MACROD2: variants seen among roughly 807,000 people sequenced by gnomAD.
MACROD2 encodes mono-ADP ribosylhydrolase 2.
MACROD2 carries 36 observed loss-of-function variants against 70.4 expected under a neutral mutation model. That is an observed-to-expected ratio of 0.51 (90% CI 0.39 to 0.68). MACROD2 has a LOEUF of 0.68. Ranked by LOEUF, MACROD2 falls within the 30% of genes least tolerant of loss-of-function variation. The pLI is 0.00. For synonymous variants in MACROD2, 172 were observed against 178.8 expected (o/e 0.96, Z 0.30); for missense variants, 496 against 538.4 (o/e 0.92, Z 0.78).
At chr20:16,023,651 G>A (rs2067036342) in intron 15 of MACROD2, among the ~76,000 whole-genome samples, 1 of 151,982 alleles carries the variant, frequency 6.6e-6, no homozygotes, top group Admixed American at 6.6e-5. Flanking sequence ...ATGATCATGA[G>A]CAGACTGTCA....
At chr20:15,849,047 C>T (rs175807) in intron 8 of MACROD2, among the ~76,000 whole-genome samples, 104,542 of 151,482 alleles carry the variant, frequency 0.69, 38,009 homozygotes, top group South Asian at 0.92. Context: ...ACAGCTCATG[C>T]GTGTTGGGGG....
intron 7 of MACROD2, among the ~76,000 whole-genome samples, chr20:15,439,780 G>C (rs1029902752): frequency 6.6e-6 from 1 of 152,036 alleles, no homozygotes; most frequent in Non-Finnish European, 1.5e-5. Flanking sequence ...GGTTCCACAG[G>C]GCACCAGACC....
chr20:14,597,164 A>ATTC (rs1292288251), intron 4 of MACROD2, among the ~76,000 whole-genome samples: 4 of 152,198 alleles, frequency 2.6e-5, no homozygotes, highest in Admixed American at 2.6e-4. Flanking sequence ...CAATTTTTAC[A>ATTC]TTCTTATTTC....
At chr20:14,588,982 C>T (rs1981577387) in intron 4 of MACROD2, among the ~76,000 whole-genome samples, 3 of 152,036 alleles carry the variant, frequency 2.0e-5, no homozygotes, top group Non-Finnish European at 2.9e-5. Flanking sequence ...AGAGGGGATA[C>T]ATTCTTGTTT....
At chr20:14,427,651 G>T (rs905338686) in intron 3 of MACROD2, among the ~76,000 whole-genome samples, 2 of 151,946 alleles carry the variant, frequency 1.3e-5, no homozygotes, top group African/African-American at 2.4e-5. Flanking sequence ...ATGTAGTTTG[G>T]TCACAGACTT....
chr20:15,790,542 GGCCGT>G (rs1694270859), intron 8 of MACROD2, among the ~76,000 whole-genome samples: 1 of 151,806 alleles, frequency 6.6e-6, no homozygotes, highest in Admixed American at 6.6e-5. Flanking sequence ...TTATCCAGGA[GGCCGT>G]GTCTAGGGTT....
intron 6 of MACROD2, among the ~76,000 whole-genome samples, chr20:15,421,144 G>C (rs1450566940): frequency 6.6e-6 from 1 of 152,130 alleles, no homozygotes; most frequent in Non-Finnish European, 1.5e-5. Context: ...TTGGGAGGCT[G>C]AGACAGGCGG....
At chr20:15,636,921 A>T (rs1045835358) in intron 8 of MACROD2, among the ~76,000 whole-genome samples, 2 of 152,088 alleles carry the variant, frequency 1.3e-5, no homozygotes, top group Non-Finnish European at 2.9e-5. Flanking sequence ...GAGGTAAGAA[A>T]TTTTTTTCCA....
chr20:15,476,287 T>C (rs980100055), intron 7 of MACROD2, among the ~76,000 whole-genome samples: 12 of 152,242 alleles, frequency 7.9e-5, no homozygotes, highest in African/African-American at 2.9e-4. Context: ...AAGAGCACTT[T>C]TAGATTCACT....
chr20:14,664,960 A>G (rs192400199), intron 4 of MACROD2, among the ~76,000 whole-genome samples: 1 of 152,274 alleles, frequency 6.6e-6, no homozygotes, highest in Admixed American at 6.5e-5. Context: ...ACAAATGGTT[A>G]CTAGCATGGC....
chr20:14,814,825 A>T (rs1025437021), intron 5 of MACROD2, among the ~76,000 whole-genome samples: 2 of 151,606 alleles, frequency 1.3e-5, no homozygotes, highest in African/African-American at 4.8e-5. Context: ...GATAAAAGTT[A>T]AAAAAAAGAG....
intron 5 of MACROD2, among the ~76,000 whole-genome samples, chr20:15,228,978 A>G (rs2076936162): frequency 6.6e-6 from 1 of 152,160 alleles, no homozygotes; most frequent in Admixed American, 6.5e-5. Flanking sequence ...TGTCTTTGTG[A>G]TGAAAGTTGA....
chr20:16,008,027 C>T (rs957949176), intron 15 of MACROD2, among the ~76,000 whole-genome samples: 3 of 152,272 alleles, frequency 2.0e-5, no homozygotes, highest in African/African-American at 7.2e-5. Flanking sequence ...GGGACATGCA[C>T]GATGGGGAGC....
intron 8 of MACROD2, among the ~76,000 whole-genome samples, chr20:15,805,498 T>A (rs1321252550): frequency 1.3e-5 from 2 of 151,310 alleles, no homozygotes; most frequent in African/African-American, 4.9e-5. Flanking sequence ...TTTTTTGAGA[T>A]GGAGTTTCAC....
chr20:15,471,566 G>C (rs567474671), intron 7 of MACROD2, among the ~76,000 whole-genome samples: 1 of 152,146 alleles, frequency 6.6e-6, no homozygotes, highest in African/African-American at 2.4e-5. Flanking sequence ...TTTTCAGGTC[G>C]TAATAAAGCC....
intron 5 of MACROD2, among the ~76,000 whole-genome samples, chr20:14,711,962 G>A (rs2071344168): frequency 6.6e-6 from 1 of 152,068 alleles, no homozygotes; most frequent in Non-Finnish European, 1.5e-5. Flanking sequence ...TCTTCCATCT[G>A]TATAGAACAC....
At chr20:15,593,196 C>T (rs1016648652) in intron 8 of MACROD2, among the ~76,000 whole-genome samples, 1 of 152,040 alleles carries the variant, frequency 6.6e-6, no homozygotes, top group African/African-American at 2.4e-5. Flanking sequence ...GATGCCTGGC[C>T]GTCTTTGCAC....
intron 10 of MACROD2, among the ~76,000 whole-genome samples, chr20:15,926,275 G>A (rs753668604): frequency 1.9e-4 from 29 of 152,208 alleles, no homozygotes; most frequent in Non-Finnish European, 3.4e-4. Context: ...TCCTGGAATA[G>A]AAGATAATCT....
intron 8 of MACROD2, among the ~76,000 whole-genome samples, chr20:15,654,161 A>G (rs2049690620): frequency 6.6e-6 from 1 of 152,204 alleles, no homozygotes; most frequent in Non-Finnish European, 1.5e-5. Flanking sequence ...ATAGGGTTAT[A>G]AAAGCACATA....
Sources: gnomAD v4.1 joint callset for allele counts (sites outside exome capture counted in the v4.1 genomes callset) on GRCh38, gnomAD v4.1.1 for gene constraint, MANE v1.5 for transcripts, NCBI Gene and HGNC (gene_info 2026-07-23, HGNC 2026-07-21) for gene names.